NXPH1: variants seen among roughly 807,000 people sequenced by gnomAD.
NXPH1 encodes neurexophilin-1.
A neutral mutation model predicts 23.7 loss-of-function variants in NXPH1; 5 were observed. That is an observed-to-expected ratio of 0.21 (90% confidence interval 0.11 to 0.44). The LOEUF is 0.44. Among genes scored for constraint, NXPH1 ranks in the 20% least tolerant of loss-of-function variants. The probability of loss-of-function intolerance (pLI) is 0.99; values close to 1 mark genes in which losing one functional copy is unlikely to be tolerated. For synonymous variants in NXPH1, 144 were observed against 122.2 expected (o/e 1.18, Z -1.18); for missense variants, 324 against 321.6 (o/e 1.01, Z -0.06).
intron 2 of NXPH1, among the ~76,000 whole-genome samples, chr7:8,499,764 C>G (rs1584195333): frequency 6.6e-6 from 1 of 152,064 alleles, no homozygotes; most frequent in African/African-American, 2.4e-5. Context: ...GAGGCCTTTA[C>G]TGCATGCCAT....
chr7:8,620,603 C>T (rs1819846962), intron 2 of NXPH1, among the ~76,000 whole-genome samples: 1 of 152,152 alleles, frequency 6.6e-6, no homozygotes, highest in African/African-American at 2.4e-5. Context: ...AAGATTGAAG[C>T]CAATGCTGGA....
intron 2 of NXPH1, among the ~76,000 whole-genome samples, chr7:8,636,699 T>C: frequency 6.6e-6 from 1 of 152,086 alleles, no homozygotes; most frequent in East Asian, 1.9e-4. Context: ...GGAAGGCAAA[T>C]GATGACATAC....
chr7:8,505,240 C>T (rs1216464440), intron 2 of NXPH1, among the ~76,000 whole-genome samples: 1 of 152,004 alleles, frequency 6.6e-6, no homozygotes. Flanking sequence ...TTCTAATTCT[C>T]AGCCCCATTG....
At chr7:8,591,846 C>CTTTT (rs111935394) in intron 2 of NXPH1, among the ~76,000 whole-genome samples, 124 of 140,918 alleles carry the variant, frequency 8.8e-4, no homozygotes, top group African/African-American at 2.9e-3. Flanking sequence ...GCTGAGGTTT[C>CTTTT]TTTTTTTTTT....
chr7:8,513,303 G>C (rs58915473), intron 2 of NXPH1, among the ~76,000 whole-genome samples: 1 of 151,964 alleles, frequency 6.6e-6, no homozygotes, highest in Non-Finnish European at 1.5e-5. Flanking sequence ...GAATAGAATA[G>C]GTTCTCAGTC....
chr7:8,623,874 C>A (rs1030524078), intron 2 of NXPH1, among the ~76,000 whole-genome samples: 7 of 151,858 alleles, frequency 4.6e-5, no homozygotes, highest in South Asian at 4.2e-4. Context: ...CTCATAGTCA[C>A]CCCATCCCTA....
At chr7:8,536,481 G>C (rs1818028132) in intron 2 of NXPH1, among the ~76,000 whole-genome samples, 1 of 151,978 alleles carries the variant, frequency 6.6e-6, no homozygotes, top group Non-Finnish European at 1.5e-5. Context: ...GGCTCTTTTT[G>C]CTAGTAGTTT....
At chr7:8,557,802 A>G (rs1218832692) in intron 2 of NXPH1, among the ~76,000 whole-genome samples, 1 of 151,718 alleles carries the variant, frequency 6.6e-6, no homozygotes, top group Non-Finnish European at 1.5e-5. Context: ...TTCAGGATTC[A>G]GTAGAATGCT....
chr7:8,490,332 C>T (rs1447075392), intron 2 of NXPH1, among the ~76,000 whole-genome samples: 1 of 151,498 alleles, frequency 6.6e-6, no homozygotes, highest in Non-Finnish European at 1.5e-5. Flanking sequence ...TAACTTAAAT[C>T]CATGTATTCC....
chr7:8,553,299 T>A (rs566845357), intron 2 of NXPH1, among the ~76,000 whole-genome samples: 2 of 151,150 alleles, frequency 1.3e-5, no homozygotes. Flanking sequence ...TAGCTTTTAA[T>A]GAAAGTTCCA....
intron 2 of NXPH1, among the ~76,000 whole-genome samples, chr7:8,677,279 A>G (rs998970361): frequency 6.6e-6 from 1 of 152,188 alleles, no homozygotes; most frequent in Non-Finnish European, 1.5e-5. Flanking sequence ...TAAGGTTATA[A>G]CATTTATACT....
At chr7:8,494,761 A>G (rs1048295738) in intron 2 of NXPH1, among the ~76,000 whole-genome samples, 2 of 152,046 alleles carry the variant, frequency 1.3e-5, no homozygotes, top group Admixed American at 6.6e-5. Flanking sequence ...AGGTACACAT[A>G]ATTTCATGGA....
intron 2 of NXPH1, among the ~76,000 whole-genome samples, chr7:8,739,988 C>T (rs1048986952): frequency 2.6e-5 from 4 of 152,188 alleles, no homozygotes; most frequent in African/African-American, 9.7e-5. Flanking sequence ...CATCAGTAGG[C>T]AGTGTGTGAC....
intron 2 of NXPH1, among the ~76,000 whole-genome samples, chr7:8,674,355 G>C (rs1009676100): frequency 6.6e-6 from 1 of 151,916 alleles, no homozygotes; most frequent in African/African-American, 2.4e-5. Context: ...CTCTTCTTTG[G>C]GTCGCTTTGT....
intron 2 of NXPH1, among the ~76,000 whole-genome samples, chr7:8,566,790 T>G (rs10279173): frequency 0.17 from 26,414 of 151,752 alleles, 3,840 homozygotes; most frequent in African/African-American, 0.4. Context: ...GGCCTGGGTC[T>G]TGGGACTTAG....
chr7:8,567,150 T>C (rs1180845956), intron 2 of NXPH1, among the ~76,000 whole-genome samples: 3 of 151,886 alleles, frequency 2.0e-5, no homozygotes, highest in Non-Finnish European at 4.4e-5. Context: ...TTGCTTCAAA[T>C]CTTATGTTTC....
intron 2 of NXPH1, among the ~76,000 whole-genome samples, chr7:8,568,710 G>A (rs1209211860): frequency 1.3e-5 from 2 of 151,232 alleles, no homozygotes; most frequent in Non-Finnish European, 3.0e-5. Context: ...GTGCCAAAAT[G>A]TTCAGTGAAG....
At chr7:8,717,941 A>G (rs570489027) in intron 2 of NXPH1, among the ~76,000 whole-genome samples, 51 of 151,532 alleles carry the variant, frequency 3.4e-4, no homozygotes, top group Middle Eastern at 3.5e-3. Context: ...ATGTGTATAC[A>G]TATACACATA....
At chr7:8,750,886 C>T (rs549894433) in intron 2 of NXPH1, 122 bp from the exon 3 acceptor site, 152 of 910,200 alleles carry the variant, frequency 1.7e-4, no homozygotes, top group African/African-American at 1.8e-4. Context: ...TTCTCAGATG[C>T]GGTGCTTTTA....
Sources: gnomAD v4.1 joint callset for allele counts (sites outside exome capture counted in the v4.1 genomes callset) on GRCh38, gnomAD v4.1.1 for gene constraint, MANE v1.5 for transcripts, NCBI Gene and HGNC (gene_info 2026-07-23, HGNC 2026-07-21) for gene names.